The following CPED1 variants were observed in gnomAD, a reference collection of about 807,000 sequenced individuals.
The protein encoded by CPED1 is cadherin-like and PC-esterase domain-containing protein 1.
Under a neutral mutation model 128.2 loss-of-function variants are expected in CPED1, and 114 were observed. That is an observed-to-expected ratio of 0.89 (90% CI 0.76 to 1.04). The LOEUF is 1.04. Among genes scored for constraint, CPED1 ranks in the 50% least tolerant of loss-of-function variants. The pLI, the probability that CPED1 is intolerant of heterozygous loss-of-function variation, is 0.00. For synonymous variants in CPED1, 462 were observed against 426.7 expected (o/e 1.08, Z -1.02); for missense variants, 1,211 against 1,207.1 (o/e 1.00, Z -0.05).
intron 16 of CPED1, among the ~76,000 whole-genome samples, chr7:121,150,215 C>G (rs1195178306): frequency 6.6e-6 from 1 of 150,460 alleles, no homozygotes; most frequent in East Asian, 1.9e-4. Context: ...TCCCTTTCTC[C>G]CCCATCTAGT....
intron 12 of CPED1, among the ~76,000 whole-genome samples, chr7:121,132,075 A>G (rs1795683751): frequency 6.6e-6 from 1 of 151,924 alleles, no homozygotes; most frequent in Non-Finnish European, 1.5e-5. Flanking sequence ...TGCTAATTTC[A>G]TTTGCATTCA....
At chr7:121,227,997 A>G (rs1327645956) in intron 16 of CPED1, among the ~76,000 whole-genome samples, 2 of 152,110 alleles carry the variant, frequency 1.3e-5, no homozygotes, top group Non-Finnish European at 2.9e-5. Flanking sequence ...CACAAAAATC[A>G]ACTCAAAATG....
chr7:121,086,876 A>G (rs892903408), intron 5 of CPED1, among the ~76,000 whole-genome samples: 5 of 152,192 alleles, frequency 3.3e-5, no homozygotes, highest in Non-Finnish European at 7.3e-5. Flanking sequence ...TGGAAAATTC[A>G]TGCACTTTTG....
At chr7:121,104,775 A>C (rs1244372261) in intron 7 of CPED1, among the ~76,000 whole-genome samples, 1 of 152,154 alleles carries the variant, frequency 6.6e-6, no homozygotes, top group African/African-American at 2.4e-5. Flanking sequence ...ATTGAATCAA[A>C]GGTCATTAAA....
intron 4 of CPED1, among the ~76,000 whole-genome samples, chr7:121,048,320 C>T (rs1793267388): frequency 6.6e-6 from 1 of 152,186 alleles, no homozygotes; most frequent in Non-Finnish European, 1.5e-5. Context: ...TTCTCTCCTG[C>T]TCTTGTGTTC....
chr7:120,991,919 T>A (rs1351074085), intron 2 of CPED1, among the ~76,000 whole-genome samples: 1 of 152,206 alleles, frequency 6.6e-6, no homozygotes, highest in Non-Finnish European at 1.5e-5. Context: ...ATTTTTAACC[T>A]ATGCCAGCCC....
intron 16 of CPED1, among the ~76,000 whole-genome samples, chr7:121,177,219 G>T (rs1472770539): frequency 6.6e-6 from 1 of 151,938 alleles, no homozygotes; most frequent in African/African-American, 2.4e-5. Flanking sequence ...TTCCTTTCCT[G>T]TCTCTGTCAC....
intron 2 of CPED1, among the ~76,000 whole-genome samples, chr7:121,009,603 T>A (rs1792109866): frequency 1.0e-5 from 1 of 95,876 alleles, no homozygotes; most frequent in Admixed American, 1.2e-4. Context: ...CCAGCCCCTG[T>A]CTCAAAAAAA....
intron 22 of CPED1, among the ~76,000 whole-genome samples, chr7:121,279,203 C>A (rs1792387490): frequency 6.6e-6 from 1 of 152,078 alleles, no homozygotes; most frequent in African/African-American, 2.4e-5. Flanking sequence ...AGCTGGTTAG[C>A]TTAGTGTGAC....
intron 16 of CPED1, among the ~76,000 whole-genome samples, chr7:121,162,882 T>G (rs1796442036): frequency 6.6e-6 from 1 of 152,242 alleles, no homozygotes; most frequent in African/African-American, 2.4e-5. Flanking sequence ...GATTGGATTT[T>G]GTACCCAACT....
At chr7:121,236,927 G>T in intron 17 of CPED1, 96 bp downstream of exon 17, 2 of 543,732 alleles carry the variant, frequency 3.7e-6, no homozygotes, top group Non-Finnish European at 6.3e-6. Flanking sequence ...AAAAAAACAA[G>T]GGCATTACTT....
intron 2 of CPED1, among the ~76,000 whole-genome samples, chr7:120,991,331 G>T (rs1214019156): frequency 1.3e-5 from 2 of 152,182 alleles, no homozygotes; most frequent in African/African-American, 4.8e-5. Flanking sequence ...GCACAGTAAA[G>T]TTATTGAAGA....
At chr7:121,047,715 C>CTTCTTCTTCTTCTTCTTCTTTT (rs1563005068) in intron 4 of CPED1, among the ~76,000 whole-genome samples, 1 of 76,064 alleles carries the variant, frequency 1.3e-5, no homozygotes, top group African/African-American at 5.8e-5. Context: ...TCTTCTTCTT[C>CTTCTTCTTCTTCTTCTTCTTTT]TTTTTTTTTT....
At chr7:121,129,902 A>AG (rs1795620460) in intron 11 of CPED1, among the ~76,000 whole-genome samples, 1 of 151,720 alleles carries the variant, frequency 6.6e-6, no homozygotes, top group African/African-American at 2.4e-5. Flanking sequence ...AAGAAAAAAA[A>AG]AAACTCACCC....
intron 3 of CPED1, among the ~76,000 whole-genome samples, chr7:121,037,842 G>A (rs1252010324): frequency 1.3e-5 from 2 of 152,048 alleles, no homozygotes; most frequent in Non-Finnish European, 2.9e-5. Context: ...TCCTTGTAGA[G>A]GTCCTTCACG....
rs1563004964 is a variant in CPED1, at chr7:121,047,702, TC to T, written c.540+710del. Among the ~76,000 whole-genome samples, 27 of 106,256 alleles carry T rather than the reference TC, an allele frequency of 2.5e-4. 2 individuals are homozygous for T. Among genetic ancestry groups the T allele is most frequent in the Admixed American group, 5.6e-4 (6 of 10,696 alleles). The allele number at this position is 106,256 out of a possible 152,430, so 69.7% of individuals were successfully genotyped here. ...TTCTTCTTCTTCTTCTTCTTCTTCT[TC>T]TTCTTCTTCTTCTTTTTTTTTTTTT... On this transcript the variant is annotated intron_variant, in intron 4 of 22. Coordinates refer to ENST00000310396, the MANE Select transcript of CPED1 (RefSeq NM_024913.5).
intron 16 of CPED1, among the ~76,000 whole-genome samples, chr7:121,228,221 A>C (rs1051346654): frequency 1.3e-5 from 2 of 152,082 alleles, no homozygotes; most frequent in Non-Finnish European, 2.9e-5. Context: ...GAATGAGAGA[A>C]AATATTTGCA....
At chr7:120,996,333 A>G (rs191787051) in intron 2 of CPED1, among the ~76,000 whole-genome samples, 27 of 152,286 alleles carry the variant, frequency 1.8e-4, no homozygotes, top group Admixed American at 1.3e-3. Flanking sequence ...ATAGAGGTAA[A>G]AAAACCCCAC....
chr7:121,015,820 T>TGAAGAAA lies in CPED1; in HGVS notation c.406_407insAAGAAAG (p.Gly136GlufsTer13). The TGAAGAAA allele has an allele frequency of 6.3e-7, 1 of 1,583,474 alleles. No individual in the cohort carries two copies. The highest frequency in any genetic ancestry group is 1.2e-5 in the South Asian group (1 of 84,758). On this transcript the variant is annotated frameshift_variant, in exon 3 of 23. Coordinates refer to ENST00000310396, the MANE Select transcript of CPED1 (RefSeq NM_024913.5). LOFTEE classifies it high-confidence loss of function. Reference sequence around the variant, plus strand: ...TCATCGCTGAAGAAAGGCTCAATGCTGGCCTAGGGCCGGGGCTACTAGAAC... The same window carrying TGAAGAAA: ...TCATCGCTGAAGAAAGGCTCAATGCTGAAGAAAGGCCTAGGGCCGGGGCTACTAGAAC...
Sources: gnomAD v4.1 joint callset for allele counts (sites outside exome capture counted in the v4.1 genomes callset) on GRCh38, gnomAD v4.1.1 for gene constraint, MANE v1.5 for transcripts, NCBI Gene and HGNC (gene_info 2026-07-23, HGNC 2026-07-21) for gene names.